Variants in CMSS1 observed in about 807,000 individuals in gnomAD.
CMSS1 encodes the protein cms1 ribosomal small subunit homolog.
In CMSS1, 33 loss-of-function variants were observed where a neutral mutation model predicts 43.5. The observed-to-expected ratio is 0.76, with a 90% CI of 0.57 to 1.01. CMSS1 has a LOEUF of 1.01. CMSS1 is among the 50% of genes least tolerant of loss of function. The pLI, the probability that CMSS1 is intolerant of heterozygous loss-of-function variation, is 0.00. For synonymous variants in CMSS1, 115 were observed against 117.2 expected, an observed-to-expected ratio of 0.98 and a Z score of 0.12; for missense variants, 313 against 326.4, an observed-to-expected ratio of 0.96 and a Z score of 0.32.
At chr3:100,117,989 G>A (rs1396650360) in intron 1 of CMSS1, among the ~76,000 whole-genome samples, 1 of 150,328 alleles carries the variant, frequency 6.7e-6, no homozygotes, top group Non-Finnish European at 1.5e-5. Flanking sequence ...AGGCACAAAA[G>A]GACAGATACT....
At chr3:99,914,084 A>G (rs1202963918) in intron 1 of CMSS1, among the ~76,000 whole-genome samples, 1 of 152,236 alleles carries the variant, frequency 6.6e-6, no homozygotes, top group Non-Finnish European at 1.5e-5. Flanking sequence ...GGAATTTGGC[A>G]AAGTGGGCCT....
chr3:100,128,153 C>G (rs1436822393), intron 1 of CMSS1, among the ~76,000 whole-genome samples: 1 of 152,242 alleles, frequency 6.6e-6, no homozygotes, highest in African/African-American at 2.4e-5. Context: ...GCCAGCCTTT[C>G]TCACATCTGT....
At chr3:99,904,925 G>A (rs1485474879) in intron 1 of CMSS1, among the ~76,000 whole-genome samples, 2 of 152,040 alleles carry the variant, frequency 1.3e-5, no homozygotes, top group South Asian at 2.1e-4. Flanking sequence ...CACCTTCTTT[G>A]GGTCCTTGAA....
intron 1 of CMSS1, among the ~76,000 whole-genome samples, chr3:99,858,931 C>G (rs1202774063): frequency 1.3e-5 from 2 of 152,194 alleles, no homozygotes; most frequent in Non-Finnish European, 2.9e-5. Context: ...ATGAAGTCCC[C>G]CAATTCACTG....
At chr3:99,945,899 G>T (rs1707994203) in intron 1 of CMSS1, among the ~76,000 whole-genome samples, 1 of 152,212 alleles carries the variant, frequency 6.6e-6, no homozygotes, top group South Asian at 2.1e-4. Context: ...AAGCCCTTGG[G>T]CTTAGAAGTG....
intron 1 of CMSS1, among the ~76,000 whole-genome samples, chr3:100,072,835 G>A (rs1164362000): frequency 6.6e-6 from 1 of 152,098 alleles, no homozygotes; most frequent in East Asian, 1.9e-4. Flanking sequence ...TTCAATACAA[G>A]AAATAATCCT....
At chr3:100,021,915 TTGTGTGTGTGTGTGTGTGTG>T (rs61704772) in intron 1 of CMSS1, among the ~76,000 whole-genome samples, 3 of 105,958 alleles carry the variant, frequency 2.8e-5, no homozygotes, top group African/African-American at 8.0e-5. Context: ...CTAGATCCCA[TTGTGTGTGTGTGTGTGTGTG>T]TGTGTGTGTG....
At chr3:100,040,240 G>A (rs1277398548) in intron 1 of CMSS1, 1 of 151,990 alleles carries the variant, frequency 6.6e-6, no homozygotes, top group Admixed American at 6.6e-5. Context: ...TAAACAAAGA[G>A]TTCTCTCTTG....
chr3:99,978,415 A>G (rs1185945259), intron 1 of CMSS1, among the ~76,000 whole-genome samples: 1 of 152,238 alleles, frequency 6.6e-6, no homozygotes, highest in Non-Finnish European at 1.5e-5. Context: ...TGGATAAAGA[A>G]AATGTGGTAT....
chr3:99,998,863 C>T (rs926074940), intron 1 of CMSS1, among the ~76,000 whole-genome samples: 3 of 152,176 alleles, frequency 2.0e-5, no homozygotes, highest in African/African-American at 7.2e-5. Flanking sequence ...GCCACCGCGC[C>T]CGGCCATGGT....
At chr3:100,102,173 C>T (rs2066319896) in intron 1 of CMSS1, among the ~76,000 whole-genome samples, 1 of 152,154 alleles carries the variant, frequency 6.6e-6, no homozygotes, top group Admixed American at 6.5e-5. Context: ...ATTTCTAGTT[C>T]TAGATCCCTG....
intron 1 of CMSS1, among the ~76,000 whole-genome samples, chr3:99,877,587 C>G (rs1418265573): frequency 1.3e-5 from 2 of 152,062 alleles, no homozygotes; most frequent in Non-Finnish European, 2.9e-5. Context: ...ACTCTTCAGC[C>G]GAACTTAAAA....
At chr3:100,142,183 A>G (rs915362871) in intron 1 of CMSS1, among the ~76,000 whole-genome samples, 1 of 152,220 alleles carries the variant, frequency 6.6e-6, no homozygotes, top group African/African-American at 2.4e-5. Context: ...GGTATTTTAA[A>G]TCTTTCTCAT....
At chr3:99,937,700 A>G (rs1444748650) in intron 1 of CMSS1, among the ~76,000 whole-genome samples, 2 of 152,202 alleles carry the variant, frequency 1.3e-5, no homozygotes, top group African/African-American at 4.8e-5. Context: ...GAGTGATTGA[A>G]TCATGCAGTC....
At chr3:99,886,987 A>G (rs1705921847) in intron 1 of CMSS1, among the ~76,000 whole-genome samples, 1 of 149,124 alleles carries the variant, frequency 6.7e-6, no homozygotes, top group African/African-American at 2.5e-5. Context: ...AAAAAAAAGT[A>G]CTGGCCGGGT....
intron 1 of CMSS1, chr3:100,115,074 C>A: frequency 9.7e-7 from 1 of 1,031,914 alleles, no homozygotes; most frequent in Non-Finnish European, 1.4e-6. Context: ...CTTAGGATTG[C>A]TAAAATTTGA....
intron 1 of CMSS1, among the ~76,000 whole-genome samples, chr3:100,105,588 A>C (rs760587562): frequency 3.9e-5 from 6 of 152,224 alleles, no homozygotes; most frequent in Non-Finnish European, 5.9e-5. Context: ...CCCTTTAAGC[A>C]GAATTGATAA....
intron 1 of CMSS1, among the ~76,000 whole-genome samples, chr3:100,062,265 C>T (rs181614407): frequency 6.3e-4 from 96 of 151,648 alleles, no homozygotes; most frequent in African/African-American, 2.0e-3. Flanking sequence ...GCGCTCGCCA[C>T]CACGCCCAGC....
At chr3:100,117,868 T>TAC in intron 1 of CMSS1, among the ~76,000 whole-genome samples, 2 of 140,620 alleles carry the variant, frequency 1.4e-5, no homozygotes, top group African/African-American at 5.4e-5. Flanking sequence ...TATATATATA[T>TAC]ATATATATAT....
Sources: gnomAD v4.1 joint callset for allele counts (sites outside exome capture counted in the v4.1 genomes callset) on GRCh38, gnomAD v4.1.1 for gene constraint, MANE v1.5 for transcripts, NCBI Gene and HGNC (gene_info 2026-07-23, HGNC 2026-07-21) for gene names.